Variants in HNMT observed in about 807,000 individuals in gnomAD.
HNMT encodes the protein histamine N-methyltransferase.
A neutral mutation model predicts 32.1 loss-of-function variants in HNMT; 30 were observed. That is an observed-to-expected ratio of 0.93 (90% confidence interval 0.70 to 1.27). The LOEUF is 1.27. HNMT is among the 50% of genes most tolerant of loss of function. HNMT has a pLI of 0.00. For missense variants in HNMT, 327 were observed against 346.0 expected, an observed-to-expected ratio of 0.95 and a Z score of 0.43; for synonymous variants, 125 against 119.0, an observed-to-expected ratio of 1.05 and a Z score of -0.33.
intron 5 of HNMT, among the ~76,000 whole-genome samples, chr2:138,012,736 C>T (rs185009686): frequency 2.1e-3 from 317 of 152,226 alleles, no homozygotes; most frequent in Non-Finnish European, 3.6e-3. Context: ...TCTGTCTTCT[C>T]AGGCGCCCTC....
chr2:137,979,161 A>G (rs537388679), intron 2 of HNMT, among the ~76,000 whole-genome samples: 12 of 148,030 alleles, frequency 8.1e-5, no homozygotes, highest in Non-Finnish European at 1.5e-4. Flanking sequence ...AAGACAAACT[A>G]TATGTAAAAT....
chr2:138,009,889 A>G (rs1353449894), intron 5 of HNMT, among the ~76,000 whole-genome samples: 1 of 152,048 alleles, frequency 6.6e-6, no homozygotes, highest in Admixed American at 6.6e-5. Context: ...TCTCCACCAG[A>G]GCTATAATTC....
intron 5 of HNMT, among the ~76,000 whole-genome samples, chr2:138,013,264 T>C (rs1327613758): frequency 6.6e-6 from 1 of 152,188 alleles, no homozygotes; most frequent in East Asian, 1.9e-4. Context: ...TGGTTTCCCA[T>C]TGGGCCCCAA....
intron 2 of HNMT, among the ~76,000 whole-genome samples, chr2:137,985,462 C>T (rs1361460950): frequency 2.6e-5 from 4 of 152,158 alleles, no homozygotes; most frequent in African/African-American, 7.2e-5. Flanking sequence ...TTAAATGTAA[C>T]AGCAGAGCAC....
intron 2 of HNMT, among the ~76,000 whole-genome samples, chr2:137,980,425 T>C (rs1680456082): frequency 6.6e-6 from 1 of 152,208 alleles, no homozygotes; most frequent in African/African-American, 2.4e-5. Flanking sequence ...AGCCTATAGA[T>C]TCTCAGTGCC....
At chr2:137,999,374 T>C (rs1681092188) in intron 2 of HNMT, among the ~76,000 whole-genome samples, 1 of 152,126 alleles carries the variant, frequency 6.6e-6, no homozygotes, top group African/African-American at 2.4e-5. Flanking sequence ...AGTGACTTCA[T>C]ACTCTATTTC....
Position 137,967,989 on chromosome 2 carries a change from T to C in HNMT, c.138-2176T>C, listed in dbSNP as rs538493477. Reference sequence around the variant, plus strand: ...GCACTAAAAGGTAGTCAGATTCTCTTTGTGTAAGTCAGGGCAGGGTTTGTT... The same window carrying C: ...GCACTAAAAGGTAGTCAGATTCTCTCTGTGTAAGTCAGGGCAGGGTTTGTT... On this transcript the variant is annotated intron_variant, in intron 1 of 5. Coordinates refer to ENST00000280097, the MANE Select transcript of HNMT (RefSeq NM_006895.3). Among the ~76,000 whole-genome samples the C allele has an allele frequency of 3.9e-5, 6 of 152,234 alleles. No homozygotes were observed. The South Asian group carries it at 1.2e-3, about 32-fold the overall frequency.
At chr2:138,006,245 C>T (rs3828168) in intron 5 of HNMT, among the ~76,000 whole-genome samples, 29,647 of 151,894 alleles carry the variant, frequency 0.2, 3,324 homozygotes, top group Admixed American at 0.28. Flanking sequence ...TAACCTCTCT[C>T]TGAGCTAGTA....
intron 2 of HNMT, among the ~76,000 whole-genome samples, chr2:137,997,687 G>T (rs1040678317): frequency 3.2e-4 from 48 of 152,270 alleles, no homozygotes; most frequent in African/African-American, 1.2e-3. Context: ...ATACCCAAAG[G>T]AATATAAATC....
intron 1 of HNMT, among the ~76,000 whole-genome samples, chr2:137,966,903 C>T (rs1329195075): frequency 1.3e-5 from 2 of 152,064 alleles, no homozygotes; most frequent in African/African-American, 2.4e-5. Context: ...CCTTTCTTTT[C>T]TTTGTTTCCT....
intron 2 of HNMT, among the ~76,000 whole-genome samples, chr2:137,990,595 G>A (rs1471271661): frequency 2.0e-5 from 3 of 152,072 alleles, no homozygotes; most frequent in Non-Finnish European, 4.4e-5. Context: ...AAAAATACAT[G>A]TCTGCTATTT....
rs549404733 is a variant in HNMT, at chr2:137,981,523, C to T, written c.190+11306C>T. 6.9e-5 allele frequency: 47 copies of T among 685,302 alleles called. No homozygotes were observed. In the African/African-American group the frequency reaches 7.0e-4, roughly 10 times the overall value. The allele number at this position is 685,302 out of a possible 1,614,324, so 42.5% of individuals were successfully genotyped here. On this transcript the variant is annotated intron_variant, in intron 2 of 5. Transcript: ENST00000280097. ...TTTCTCCGTGGGACTTCCCACCATC[C>T]GTAAAATTAGGTGTTTTTGCCTGTT... is the stretch of plus-strand genomic sequence containing the variant.
chr2:137,990,076 G>T (rs972995107), intron 2 of HNMT, among the ~76,000 whole-genome samples: 1 of 152,100 alleles, frequency 6.6e-6, no homozygotes, highest in Non-Finnish European at 1.5e-5. Context: ...TAGAGCAGAA[G>T]TTTTTAATTT....
At chr2:137,973,170 T>C (rs940799397) in intron 2 of HNMT, among the ~76,000 whole-genome samples, 4 of 152,270 alleles carry the variant, frequency 2.6e-5, no homozygotes, top group African/African-American at 9.6e-5. Flanking sequence ...CTAAGTTATA[T>C]GAAATCAAAA....
At chr2:138,011,011 G>C (rs1681486849) in intron 5 of HNMT, among the ~76,000 whole-genome samples, 2 of 151,874 alleles carry the variant, frequency 1.3e-5, no homozygotes, top group Admixed American at 6.6e-5. Context: ...TTTTAGTGCA[G>C]TGAGAAAAAG....
In HNMT at chr2:137,978,945, A is replaced by G. The variant is rs968153574; in HGVS notation, c.190+8728A>G. Among the ~76,000 whole-genome samples the G allele has an allele frequency of 3.6e-5, 5 of 140,488 alleles. No homozygotes were observed. In the East Asian group the frequency reaches 8.2e-4, roughly 23 times the overall value. The allele number at this position is 140,488 out of a possible 152,430, so 92.2% of individuals were successfully genotyped here. A position where few individuals can be genotyped will look rare whatever the true frequency, so the allele number is the denominator to read the frequency against. On this transcript the variant is annotated intron_variant, in intron 2 of 5. Transcript: ENST00000280097. ...ATAGGTAGTATACATAAAATAGGTA[A>G]TCTATTATATTACATATAATAAGTA...
Position 137,964,551 on chromosome 2 carries a change from G to A in HNMT, c.60G>A (p.Arg20=). 6.2e-7 allele frequency: 1 copy of A among 1,613,698 alleles called. No homozygotes were observed. The highest frequency in any genetic ancestry group is 8.5e-7 in the Non-Finnish European group (1 of 1,179,710). ...ACGGGAAATATGTTGAATCTTTCCGGAGGTTTCTCAACCATTCCACGGAAC... is the reference window on the plus strand; with the variant it reads ...ACGGGAAATATGTTGAATCTTTCCGAAGGTTTCTCAACCATTCCACGGAAC... The part of the protein sequence containing the change: ...SDHGKYVESF[R]RFLNHSTEHQ... The change falls in exon 1 of 6, where the codon CGG becomes CGA. Residue 20 remains arginine (R), a synonymous_variant. Transcript: ENST00000280097.
rs79185756 is a variant in HNMT at position 137,972,887 on chromosome 2, C to T, written c.190+2670C>T. On this transcript the variant is annotated intron_variant, in intron 2 of 5. Coordinates refer to ENST00000280097, the MANE Select transcript of HNMT (RefSeq NM_006895.3). ...TTTCTAATGCAAATTTATCCAGATG[C>T]TTATAAGCTATCTAGAGAAAGGAAC... 9.9e-3 allele frequency among the ~76,000 whole-genome samples: 1,514 copies of T among 152,232 alleles called. 33 individuals are homozygous for T. The highest frequency in any genetic ancestry group is 0.035 in the African/African-American group (1,443 of 41,528).
intron 2 of HNMT, among the ~76,000 whole-genome samples, chr2:137,975,455 G>A (rs925937596): frequency 1.3e-5 from 2 of 152,188 alleles, no homozygotes; most frequent in East Asian, 1.9e-4. Flanking sequence ...AGGGAAGGCA[G>A]TTTTTGTGTG....
Sources: allele counts gnomAD v4.1 joint callset (sites outside exome capture counted in the v4.1 genomes callset), GRCh38; gene constraint gnomAD v4.1.1; transcripts MANE v1.5; gene names NCBI Gene and HGNC (gene_info 2026-07-23, HGNC 2026-07-21).